Variants in SOX30 observed in about 807,000 individuals in gnomAD.
SOX30 encodes the protein SRY-box transcription factor 30.
Under a neutral mutation model 58.6 loss-of-function variants are expected in SOX30, and 17 were observed. The observed-to-expected ratio is 0.29, with a 90% CI of 0.20 to 0.44. The LOEUF (loss-of-function observed/expected upper bound fraction) is 0.44, where lower values mean the gene tolerates loss of function less well. Among genes scored for constraint, SOX30 ranks in the 20% least tolerant of loss-of-function variants. SOX30 has a pLI of 1.00. For synonymous variants in SOX30, 421 were observed against 400.2 expected (o/e 1.05, Z -0.62); for missense variants, 951 against 965.8 (o/e 0.98, Z 0.20).
intron 4 of SOX30, among the ~76,000 whole-genome samples, chr5:157,631,062 TATATATAC>T (rs58053935): frequency 0.39 from 31,283 of 80,358 alleles, 4,025 homozygotes; most frequent in Middle Eastern, 0.45. Context: ...TATATATATA[TATATATAC>T]ACACAATATA....
chr5:157,643,393 G>A (rs915255478), intron 3 of SOX30, among the ~76,000 whole-genome samples: 1 of 152,066 alleles, frequency 6.6e-6, no homozygotes, highest in Non-Finnish European at 1.5e-5. Context: ...GCACTCCAGC[G>A]TGGGCAACAG....
At chr5:157,643,673 A>G (rs1441835743) in intron 3 of SOX30, among the ~76,000 whole-genome samples, 1 of 152,108 alleles carries the variant, frequency 6.6e-6, no homozygotes, top group Non-Finnish European at 1.5e-5. Context: ...AAAAGAGCAA[A>G]TTGTTTTTAT....
intron 4 of SOX30, among the ~76,000 whole-genome samples, chr5:157,632,024 C>T (rs1016125980): frequency 9.1e-6 from 1 of 110,496 alleles, no homozygotes; most frequent in African/African-American, 3.7e-5. Flanking sequence ...GCCTGGGTGA[C>T]ACAGCAAGAC....
chr5:157,666,813 C>T (rs1280347534), intron 2 of SOX30, among the ~76,000 whole-genome samples: 1 of 152,198 alleles, frequency 6.6e-6, no homozygotes, highest in Admixed American at 6.5e-5. Context: ...TCAAGCGATT[C>T]TCCCGCCTCA....
intron 3 of SOX30, among the ~76,000 whole-genome samples, chr5:157,643,586 G>A (rs762286003): frequency 6.6e-6 from 1 of 152,046 alleles, no homozygotes; most frequent in Non-Finnish European, 1.5e-5. Context: ...ACTCTAGCTT[G>A]GTGAGTCTAT....
intron 4 of SOX30, among the ~76,000 whole-genome samples, chr5:157,629,773 T>C (rs1758744844): frequency 6.6e-6 from 1 of 152,138 alleles, no homozygotes; most frequent in Non-Finnish European, 1.5e-5. Flanking sequence ...ACTGTACAGA[T>C]GAGGAAATGG....
At chr5:157,629,695 T>C (rs1581387384) in intron 4 of SOX30, among the ~76,000 whole-genome samples, 1 of 152,244 alleles carries the variant, frequency 6.6e-6, no homozygotes, top group African/African-American at 2.4e-5. Context: ...GGAGTGTATA[T>C]GTTATTTCAA....
At chr5:157,669,463 G>A (rs1204589393) in intron 1 of SOX30, among the ~76,000 whole-genome samples, 1 of 151,812 alleles carries the variant, frequency 6.6e-6, no homozygotes, top group African/African-American at 2.4e-5. Flanking sequence ...GGGATTATAG[G>A]TGTGAGCCAC....
intron 4 of SOX30, among the ~76,000 whole-genome samples, chr5:157,628,833 G>C (rs1758723324): frequency 1.3e-5 from 2 of 152,112 alleles, no homozygotes; most frequent in Non-Finnish European, 2.9e-5. Context: ...TAGAGATGGG[G>C]TTTCACCATG....
rs1272139730 is a variant in SOX30 at position 157,626,397 on chromosome 5, T to G, written c.2205A>C (p.Gln735His). Residue 735 changes from glutamine to histidine, a missense_variant, in exon 5 of 5, where the codon CAA (glutamine) becomes CAC (histidine). By Grantham distance (24) the Gln-to-His change is conservative. Coordinates refer to ENST00000265007, the MANE Select transcript of SOX30 (RefSeq NM_178424.2). ...APTSTPSSIQ[Q>H]VNVTDSDEEE... ...CCTCATCACTGTCGGTGACATTGAC[T>G]TGCTGGATGCTAGAAGGAGTTGATG... 20 of 1,613,772 alleles carry G rather than the reference T, an allele frequency of 1.2e-5. No individual in the cohort carries two copies. Among genetic ancestry groups the G allele is most frequent in the Non-Finnish European group, 1.4e-5 (17 of 1,179,750 alleles).
chr5:157,632,507 G>A (rs567444077), intron 4 of SOX30, among the ~76,000 whole-genome samples: 4 of 152,166 alleles, frequency 2.6e-5, no homozygotes, highest in Admixed American at 1.3e-4. Context: ...CCAGCTACTC[G>A]GGAGGCTGAG....
In SOX30 at chr5:157,651,871, G is replaced by A; in HGVS notation, c.208C>T (p.Leu70=). ...ACCTGCTCTGGCTTCACCTGCAGCA[G>A]CCGCCGCACCGCGGGCTGTAAGCCG... ...ASGLQPAVRR[L]LQVKPEQVLL... The change falls in exon 1 of 5, where the codon CTG becomes TTG. Residue 70 remains leucine (L), a synonymous_variant. Coordinates refer to ENST00000265007, the MANE Select transcript of SOX30 (RefSeq NM_178424.2). 6.4e-7 allele frequency: 1 copy of A among 1,557,876 alleles called. No individual in the cohort carries two copies. Among genetic ancestry groups the A allele is most frequent in the African/African-American group, 1.4e-5 (1 of 73,934 alleles).
intron 4 of SOX30, among the ~76,000 whole-genome samples, chr5:157,635,664 G>A (rs1758911108): frequency 6.6e-6 from 1 of 151,732 alleles, no homozygotes; most frequent in African/African-American, 2.4e-5. Flanking sequence ...TTACTTTCAA[G>A]AGCTTCCTTT....
At chr5:157,642,732 C>T (rs940099786) in intron 3 of SOX30, among the ~76,000 whole-genome samples, 2 of 151,982 alleles carry the variant, frequency 1.3e-5, no homozygotes, top group Admixed American at 6.6e-5. Flanking sequence ...AGCCCAACTG[C>T]GGTGAGGCAA....
At chr5:157,628,095 G>A (rs1032767816) in intron 4 of SOX30, among the ~76,000 whole-genome samples, 2 of 151,958 alleles carry the variant, frequency 1.3e-5, no homozygotes, top group African/African-American at 4.8e-5. Context: ...CAGGAGGATC[G>A]TTTGAGCCCA....
intron 4 of SOX30, among the ~76,000 whole-genome samples, chr5:157,627,867 G>A (rs371258584): frequency 8.5e-5 from 13 of 152,092 alleles, no homozygotes; most frequent in East Asian, 3.9e-4. Flanking sequence ...GGTGGCGGGC[G>A]CCTGTAGTCC....
In SOX30 at chr5:157,651,183, T is replaced by A; in HGVS notation, c.896A>T (p.Gln299Leu). Residue 299 changes from glutamine (Q) to leucine (L), a missense_variant, in exon 1 of 5, where the codon CAG becomes CTG. Gln to Leu is a moderately radical substitution (Grantham distance 113). Around this residue, in one of 7 missense-constraint regions of SOX30, gnomAD observed 60 missense variants for 74.0 expected, o/e 0.81. Coordinates refer to ENST00000265007, the MANE Select transcript of SOX30 (RefSeq NM_178424.2). ...TTTTACAGAAGGCTCCAGTAGGGACTGCATTTTAGTAGGCACTGGTGTCAG... is the reference window on the plus strand; with the variant it reads ...TTTTACAGAAGGCTCCAGTAGGGACAGCATTTTAGTAGGCACTGGTGTCAG... ...VPLTPVPTKM[Q>L]SLLEPSVKIE... is the part of the protein sequence containing the mutation. The A allele has an allele frequency of 1.2e-6, 2 of 1,609,352 alleles. No individual in the cohort carries two copies. The highest frequency in any genetic ancestry group is 1.7e-6 in the Non-Finnish European group (2 of 1,177,830).
In SOX30 at chr5:157,638,449, T is replaced by A. The variant is rs762040026; in HGVS notation, c.1661A>T (p.His554Leu). The change falls in exon 4 of 5, where the codon CAT (histidine) becomes CTT (leucine). Residue 554 changes from histidine to leucine, a missense_variant. His to Leu is a moderately conservative substitution (Grantham distance 99, BLOSUM62 -3). This residue lies in a region of SOX30 where 381 missense variants were observed against 390.0 expected (regional missense o/e 0.98). Coordinates refer to ENST00000265007, the MANE Select transcript of SOX30 (RefSeq NM_178424.2). The stretch of plus-strand genomic sequence containing the variant: ...GATGGTCGAAGTTGCAAATCTGGCA[T>A]GGGCAGTACTTGCACTACTTGAAAT... ...NRISSSASTA[H>L]ARFATSTIQP... 2 of 1,614,116 alleles carry A rather than the reference T, an allele frequency of 1.2e-6. No homozygotes were observed. The highest frequency in any genetic ancestry group is 2.7e-5 in the African/African-American group (2 of 75,032).
rs570172679 is a variant in SOX30 at position 157,632,047 on chromosome 5, T to TAAAAA, written c.1881-5331_1881-5327dup. ...GACACAGCAAGACCCACCCCGTAAC[T>TAAAAA]AAAAAAAAAAAAAAAAAAAAAAAAA... is the stretch of plus-strand genomic sequence containing the variant. On this transcript the variant is annotated intron_variant, in intron 4 of 4. Coordinates refer to ENST00000265007, the MANE Select transcript of SOX30 (RefSeq NM_178424.2). 1.7e-3 allele frequency among the ~76,000 whole-genome samples: 96 copies of TAAAAA among 56,342 alleles called. 4 individuals carry two copies. The highest frequency in any genetic ancestry group is 3.7e-3 in the African/African-American group (47 of 12,772). The allele number at this position is 56,342 out of a possible 152,430, so 37.0% of individuals were successfully genotyped here. A position where few individuals can be genotyped will look rare whatever the true frequency, so the allele number is the denominator to read the frequency against.
Sources: allele counts gnomAD v4.1 joint callset (sites outside exome capture counted in the v4.1 genomes callset), GRCh38; gene constraint gnomAD v4.1.1; regional missense constraint gnomAD v4.1.1; transcripts MANE v1.5; gene names NCBI Gene and HGNC (gene_info 2026-07-23, HGNC 2026-07-21).